Variants in SFSWAP observed in about 807,000 individuals in gnomAD.
SFSWAP encodes the protein splicing factor SWAP.
SFSWAP carries 17 observed loss-of-function variants against 100.7 expected under a neutral mutation model. The ratio of observed to expected loss-of-function variants is 0.17; its 90% CI spans 0.12 to 0.25. The LOEUF (loss-of-function observed/expected upper bound fraction) is 0.25. SFSWAP is among the 10% of genes least tolerant of loss of function. SFSWAP has a pLI of 1.00. For synonymous variants in SFSWAP, 504 were observed against 510.1 expected (o/e 0.99, Z 0.16); for missense variants, 1,005 against 1,262.6 (o/e 0.80, Z 3.09).
chr12:131,717,092 T>G (rs984344812), intron 3 of SFSWAP, among the ~76,000 whole-genome samples: 1 of 152,160 alleles, frequency 6.6e-6, no homozygotes, highest in Non-Finnish European at 1.5e-5. Context: ...TTAATATAAG[T>G]GAAACACCTA....
intron 14 of SFSWAP, among the ~76,000 whole-genome samples, chr12:131,783,050 G>A (rs1315820105): frequency 6.6e-6 from 1 of 152,000 alleles, no homozygotes. Flanking sequence ...GCGTGTTGGT[G>A]TGCGCCTATA....
chr12:131,769,937 G>A (rs938262291), intron 13 of SFSWAP, among the ~76,000 whole-genome samples: 16 of 152,160 alleles, frequency 1.1e-4, no homozygotes, highest in African/African-American at 1.9e-4. Context: ...AGAAATGAGC[G>A]TTTAAATCAC....
chr12:131,797,535 C>T (rs11246813), intron 16 of SFSWAP, among the ~76,000 whole-genome samples, 175 bp downstream of exon 16: 27,433 of 152,300 alleles, frequency 0.18, 4,980 homozygotes, highest in African/African-American at 0.46. Flanking sequence ...TGTGGCTTCT[C>T]ACAATCCATG....
chr12:131,799,238 C>A, intron 17 of SFSWAP, 129 bp downstream of exon 17: 2 of 1,018,378 alleles, frequency 2.0e-6, no homozygotes, highest in Non-Finnish European at 3.0e-6. Flanking sequence ...CAAAATACCA[C>A]AGGCTCTGGG....
At chr12:131,745,935 C>T (rs1881064942) in intron 7 of SFSWAP, among the ~76,000 whole-genome samples, 2 of 152,238 alleles carry the variant, frequency 1.3e-5, no homozygotes, top group Non-Finnish European at 1.5e-5. Context: ...TCCTGGCTTA[C>T]CAGCCCTGCT....
chr12:131,717,325 AC>A (rs1878017395), intron 3 of SFSWAP, among the ~76,000 whole-genome samples: 1 of 152,176 alleles, frequency 6.6e-6, no homozygotes, highest in South Asian at 2.1e-4. Flanking sequence ...TCTGATCTTT[AC>A]TATTTTCAGT....
intron 15 of SFSWAP, among the ~76,000 whole-genome samples, chr12:131,793,810 G>C (rs111256241): frequency 6.6e-6 from 1 of 152,134 alleles, no homozygotes; most frequent in Non-Finnish European, 1.5e-5. Context: ...CACATGGAAA[G>C]ATGTGGAACG....
chr12:131,779,239 G>GTGTGAAGAGGGCGGCGCGGGTGAGCGTT (rs1566051555), intron 14 of SFSWAP, among the ~76,000 whole-genome samples: 11 of 149,166 alleles, frequency 7.4e-5, no homozygotes, highest in Middle Eastern at 3.3e-3. Context: ...GGGTGAGCGT[G>GTGTGAAGAGGGCGGCGCGGGTGAGCGTT]TGTGAAGAGG....
At chr12:131,741,495 A>G (rs935129635) in intron 7 of SFSWAP, among the ~76,000 whole-genome samples, 8 of 151,770 alleles carry the variant, frequency 5.3e-5, no homozygotes, top group African/African-American at 1.9e-4. Context: ...AAATTAAGTG[A>G]CCATAATGGC....
chr12:131,730,648 C>G lies in SFSWAP; in HGVS notation c.1081+2220C>G, dbSNP rs559720439. On this transcript the variant is annotated intron_variant, in intron 7 of 17. Transcript: ENST00000261674. The surrounding 1 kb of genome is among the most constrained non-coding windows in gnomAD (Gnocchi z 4.0). ...CACCGCAGGGCGGCCAGAGCCCACACACTTTGGTTTCTTCCCACCTGCTGA... is the reference window on the plus strand; with the variant it reads ...CACCGCAGGGCGGCCAGAGCCCACAGACTTTGGTTTCTTCCCACCTGCTGA... Among the ~76,000 whole-genome samples, 12 of 152,306 alleles carry G rather than the reference C, an allele frequency of 7.9e-5. No individual in the cohort carries two copies. In the East Asian group the frequency reaches 2.3e-3, roughly 29 times the overall value.
intron 7 of SFSWAP, among the ~76,000 whole-genome samples, chr12:131,739,811 G>A (rs1880432015): frequency 6.6e-6 from 1 of 152,130 alleles, no homozygotes; most frequent in Admixed American, 6.5e-5. Context: ...CCAAAGTGCT[G>A]GGATTACAGG....
At chr12:131,757,424 A>T (rs1882277668) in intron 11 of SFSWAP, 1 of 152,392 alleles carries the variant, frequency 6.6e-6, no homozygotes, top group South Asian at 2.1e-4. Flanking sequence ...AGGGGCCAGC[A>T]CATCTGACAG....
At position 131,711,623 on chromosome 12, in the gene SFSWAP, A is replaced by T. The variant is rs1056970825; in HGVS notation, c.218+176A>T. 5 of 608,172 alleles carry T rather than the reference A, an allele frequency of 8.2e-6. No homozygotes were observed. The highest frequency in any genetic ancestry group is 1.5e-5 in the Non-Finnish European group (5 of 344,556). The allele number at this position is 608,172 out of a possible 1,614,324, so 37.7% of individuals were successfully genotyped here. On this transcript the variant is annotated intron_variant, in intron 1 of 17. Coordinates refer to ENST00000261674, the MANE Select transcript of SFSWAP (RefSeq NM_004592.4). This position sits in a 1 kb window ranked among gnomAD's most constrained non-coding sequence, Gnocchi z 4.9. The stretch of plus-strand genomic sequence containing the variant: ...TGTTCTGGTGGGGAGGGGGACGGTG[A>T]AACCTGCCCTAAGGCACTGGCTGGA...
At chr12:131,796,031 GGGGA>G (rs1413059259) in intron 15 of SFSWAP, 3 of 19,714 alleles carry the variant, frequency 1.5e-4, no homozygotes, top group Admixed American at 3.6e-4. Flanking sequence ...GGGGAGGGGA[GGGGA>G]GGGGAGCGGA....
At chr12:131,763,943 G>A (rs1322331774) in intron 11 of SFSWAP, among the ~76,000 whole-genome samples, 2 of 151,878 alleles carry the variant, frequency 1.3e-5, no homozygotes, top group African/African-American at 4.8e-5. Context: ...TGGCTAACAT[G>A]GTGAAACCCC....
At chr12:131,767,951 C>T (rs900597388) in intron 13 of SFSWAP, among the ~76,000 whole-genome samples, 6 of 152,194 alleles carry the variant, frequency 3.9e-5, no homozygotes, top group Non-Finnish European at 8.8e-5. Flanking sequence ...GTAGTAACTC[C>T]GGGAATTTTA....
chr12:131,790,812 T>C (rs1434834573), intron 15 of SFSWAP, among the ~76,000 whole-genome samples: 1 of 152,210 alleles, frequency 6.6e-6, no homozygotes, highest in Non-Finnish European at 1.5e-5. Context: ...CCTTTATACA[T>C]GAAATGTTAA....
At position 131,754,502 on chromosome 12, in the gene SFSWAP, CAGA is replaced by C. The variant is rs749485831; in HGVS notation, c.1454+11_1454+13del. 6.2e-4 allele frequency: 970 copies of C among 1,560,874 alleles called. 3 individuals carry two copies. In the Middle Eastern group the frequency reaches 0.011, roughly 17 times the overall value. On this transcript the variant is annotated splice_donor_5th_base_variant and intron_variant, in intron 9 of 17. Coordinates refer to ENST00000261674, the MANE Select transcript of SFSWAP (RefSeq NM_004592.4). ...GTTCGTGCCAAGAATGATCAAAGGT[CAGA>C]AGAAGAATTTTATATGTTAGGTATA...
Position 131,726,915 on chromosome 12 carries a change from T to C in SFSWAP, c.833-25T>C. The stretch of plus-strand genomic sequence containing the variant: ...CTTTTTTTCTCACCAAACACCAAAA[T>C]CTTGAAATGTGATTTTGATTTCAGA... On this transcript the variant is annotated intron_variant, in intron 5 of 17. Transcript: ENST00000261674. The C allele has an allele frequency of 5.0e-6, 7 of 1,411,810 alleles. No individual in the cohort carries two copies. In the East Asian group the frequency reaches 1.6e-4, roughly 32 times the overall value. 87.5% of individuals were successfully genotyped at this position (1,411,810 alleles called of 1,614,324 possible).
Sources: allele counts gnomAD v4.1 joint callset (sites outside exome capture counted in the v4.1 genomes callset), GRCh38; gene constraint gnomAD v4.1.1; non-coding constraint Gnocchi (gnomAD v3.1); transcripts MANE v1.5; gene names NCBI Gene and HGNC (gene_info 2026-07-23, HGNC 2026-07-21).